Variants in AIF1L observed in about 807,000 individuals in gnomAD.
AIF1L encodes allograft inflammatory factor 1 like, also known as allograft inflammatory factor 1-like.
A neutral mutation model predicts 20.7 loss-of-function variants in AIF1L; 12 were observed. The ratio of observed to expected loss-of-function variants is 0.58; its 90% CI spans 0.37 to 0.94. The LOEUF is 0.94. Ranked by LOEUF, AIF1L falls within the 40% of genes least tolerant of loss-of-function variation. The pLI is 0.01. For missense variants in AIF1L, 173 were observed against 185.3 expected (o/e 0.93, Z 0.39); for synonymous variants, 76 against 65.1 (o/e 1.17, Z -0.81).
In AIF1L at chr9:131,114,611, C is replaced by T. The variant is rs561637182; in HGVS notation, c.195C>T (p.Gly65=). The T allele has an allele frequency of 6.2e-6, 10 of 1,614,066 alleles. No homozygotes were observed. The highest frequency in any genetic ancestry group is 4.4e-5 in the South Asian group (4 of 91,078). ...KYMEFDLNNE[G]EIDLMSLKRM... is the part of the protein sequence containing the mutation. ...TGGAGTTTGACCTGAACAATGAAGG[C>T]GAGATTGGTGAGTGAAGCCTTGAGT... The change falls in exon 4 of 6, where the codon GGC becomes GGT. Residue 65 remains glycine, a synonymous_variant. Coordinates refer to ENST00000247291, the MANE Select transcript of AIF1L (RefSeq NM_031426.4).
chr9:131,116,764 G>T (rs1231294379), intron 4 of AIF1L, among the ~76,000 whole-genome samples: 2 of 152,210 alleles, frequency 1.3e-5, no homozygotes, highest in East Asian at 1.9e-4. Context: ...GGGGACACTG[G>T]GTCAAAGGCT....
chr9:131,104,998 A>G (rs1830715251), intron 2 of AIF1L, among the ~76,000 whole-genome samples: 1 of 151,910 alleles, frequency 6.6e-6, no homozygotes, highest in South Asian at 2.1e-4. Flanking sequence ...TTTTCTTCCA[A>G]ACACCTGGGG....
At position 131,096,857 on chromosome 9, in the gene AIF1L, C is replaced by G. The variant is rs1433131662; in HGVS notation, c.87C>G (p.Ile29Met). 1 of 1,536,250 alleles carries G rather than the reference C, an allele frequency of 6.5e-7. No individual in the cohort carries two copies. Residue 29 changes from isoleucine to methionine, a missense_variant, in exon 2 of 6, where the codon ATC becomes ATG. Coordinates refer to ENST00000247291, the MANE Select transcript of AIF1L (RefSeq NM_031426.4). ...GGCAGGAGAGGAGGCTGGCCGAGAT[C>G]AACCGGGTAAGCCCCGCGCCCAGGG... ...KARQERRLAE[I>M]NREFLCDQKY...
At chr9:131,110,498 T>C (rs893253303) in intron 2 of AIF1L, among the ~76,000 whole-genome samples, 1 of 147,862 alleles carries the variant, frequency 6.8e-6, no homozygotes, top group African/African-American at 2.5e-5. Context: ...GATTTCTTTT[T>C]TCTTTTCTTT....
intron 2 of AIF1L, among the ~76,000 whole-genome samples, chr9:131,108,587 G>A (rs1830804016): frequency 6.6e-6 from 1 of 152,138 alleles, no homozygotes; most frequent in Non-Finnish European, 1.5e-5. Context: ...TGGCTGTGAG[G>A]ATTTAGTGAG....
intron 2 of AIF1L, among the ~76,000 whole-genome samples, chr9:131,098,571 G>A (rs1442656448): frequency 1.3e-5 from 2 of 152,062 alleles, no homozygotes; most frequent in East Asian, 3.9e-4. Context: ...GGTGACCATG[G>A]TTGGACAAGC....
intron 2 of AIF1L, among the ~76,000 whole-genome samples, chr9:131,104,594 G>A (rs144750032): frequency 4.6e-5 from 7 of 152,316 alleles, no homozygotes; most frequent in Admixed American, 4.6e-4. Flanking sequence ...CCTGGAAAGA[G>A]GAGAGAGAAA....
intron 4 of AIF1L, 65 bp downstream of exon 4, chr9:131,114,683 C>T (rs957298624): frequency 1.3e-6 from 2 of 1,595,752 alleles, no homozygotes; most frequent in African/African-American, 2.7e-5. Context: ...TTGAGGGACC[C>T]TCTGTGCGGG....
chr9:131,113,321 A>G (rs1179491564), intron 3 of AIF1L, among the ~76,000 whole-genome samples: 3 of 151,878 alleles, frequency 2.0e-5, no homozygotes, highest in Non-Finnish European at 4.4e-5. Context: ...AACATGGCGA[A>G]ACCCCATCTC....
intron 2 of AIF1L, among the ~76,000 whole-genome samples, chr9:131,099,084 C>T (rs188809835): frequency 6.6e-6 from 1 of 152,342 alleles, no homozygotes; most frequent in Non-Finnish European, 1.5e-5. Context: ...GAGCCTCCTT[C>T]TCCAAAAAGA....
rs1831142982 is a variant in AIF1L at position 131,121,739 on chromosome 9, A to G, written c.*1417A>G. On this transcript the variant is annotated 3_prime_UTR_variant, in exon 6 of 6. Coordinates refer to ENST00000247291, the MANE Select transcript of AIF1L (RefSeq NM_031426.4). ...GGAGAGGGTTTCACTTGCTCTGAAG[A>G]CCCTGGTCCAGGATTCGCCCTCTCC... The G allele has an allele frequency of 6.6e-6, 1 of 152,234 alleles. No homozygotes were observed. Among genetic ancestry groups the G allele is most frequent in the Non-Finnish European group, 1.5e-5 (1 of 68,054 alleles). The allele number at this position is 152,234 out of a possible 1,614,324, so 9.4% of individuals were successfully genotyped here. A position where few individuals can be genotyped will look rare whatever the true frequency, so the allele number is the denominator to read the frequency against.
chr9:131,101,789 C>T (rs1564163777), intron 2 of AIF1L, among the ~76,000 whole-genome samples: 1 of 152,200 alleles, frequency 6.6e-6, no homozygotes, highest in Non-Finnish European at 1.5e-5. Context: ...AGCTATGACA[C>T]AGGCCTCTCT....
intron 2 of AIF1L, among the ~76,000 whole-genome samples, chr9:131,109,042 G>A (rs533026173): frequency 5.3e-5 from 8 of 152,306 alleles, no homozygotes; most frequent in Admixed American, 6.5e-5. Flanking sequence ...TAGGTCAAGT[G>A]ATTAATGTGG....
At chr9:131,108,245 G>A (rs989593873) in intron 2 of AIF1L, 1 of 148,794 alleles carries the variant, frequency 6.7e-6, no homozygotes, top group African/African-American at 2.5e-5. Flanking sequence ...TGTGGCCCGG[G>A]CTGGAATGCA....
In AIF1L at chr9:131,120,675, T is replaced by C. The variant is rs1831116585; in HGVS notation, c.*353T>C. 2.0e-5 allele frequency: 6 copies of C among 299,338 alleles called. No individual in the cohort carries two copies. In the South Asian group the frequency reaches 4.7e-4, roughly 23 times the overall value. 18.5% of individuals were successfully genotyped at this position (299,338 alleles called of 1,614,324 possible). A position where few individuals can be genotyped will look rare whatever the true frequency, so the allele number is the denominator to read the frequency against. ...GCACTCTCCATCCTTTCAGAAAGTC[T>C]CCAAGCCAAGTTCAGGCTCACTGAC... is the stretch of plus-strand genomic sequence containing the variant. On this transcript the variant is annotated 3_prime_UTR_variant, in exon 6 of 6. Coordinates refer to ENST00000247291, the MANE Select transcript of AIF1L (RefSeq NM_031426.4).
At chr9:131,099,474 C>T (rs1375415060) in intron 2 of AIF1L, among the ~76,000 whole-genome samples, 3 of 152,236 alleles carry the variant, frequency 2.0e-5, no homozygotes, top group Non-Finnish European at 4.4e-5. Flanking sequence ...CCCGGACTGC[C>T]TTCCTTTGGG....
chr9:131,096,656 C>G lies in AIF1L; in HGVS notation c.27C>G (p.Phe9Leu). Residue 9 changes from phenylalanine to leucine, a missense_variant, in exon 1 of 6, where the codon TTC becomes TTG. Transcript: ENST00000247291. ...TGTCGGGCGAGCTCAGCAACAGGTT[C>G]CAAGGTAGGCGCCGCCGTCCCCGAG... The part of the protein sequence containing the change: MSGELSNR[F>L]QGGKAFGLLK... The G allele has an allele frequency of 6.7e-7, 1 of 1,481,978 alleles. No individual in the cohort carries two copies. The highest frequency in any genetic ancestry group is 8.9e-7 in the Non-Finnish European group (1 of 1,124,078). 91.8% of individuals were successfully genotyped at this position (1,481,978 alleles called of 1,614,324 possible).
At chr9:131,117,644 A>G in intron 4 of AIF1L, 112 bp from the exon 5 acceptor site, 1 of 1,130,398 alleles carries the variant, frequency 8.8e-7, no homozygotes, top group Non-Finnish European at 1.2e-6. Flanking sequence ...CTAGAGAAGG[A>G]GTGCAGACGC....
intron 2 of AIF1L, among the ~76,000 whole-genome samples, chr9:131,100,847 C>T (rs969799899): frequency 6.6e-6 from 1 of 152,206 alleles, no homozygotes; most frequent in Admixed American, 6.5e-5. Context: ...AGGAGGCGCT[C>T]AGGGGACAGT....
Sources: allele counts gnomAD v4.1 joint callset (sites outside exome capture counted in the v4.1 genomes callset), GRCh38; gene constraint gnomAD v4.1.1; transcripts MANE v1.5; gene names NCBI Gene and HGNC (gene_info 2026-07-23, HGNC 2026-07-21).